Variants in MYO18B observed in about 807,000 individuals in gnomAD.
MYO18B encodes the protein unconventional myosin-XVIIIb.
Under a neutral mutation model 273.0 loss-of-function variants are expected in MYO18B, and 204 were observed. The observed-to-expected ratio is 0.75, with a 90% CI of 0.67 to 0.84. The LOEUF (loss-of-function observed/expected upper bound fraction) is 0.84, where lower values mean the gene tolerates loss of function less well. MYO18B is among the 40% of genes least tolerant of loss of function. The pLI is 0.00. For missense variants in MYO18B, 3,212 were observed against 3,287.6 expected, an observed-to-expected ratio of 0.98 and a Z score of 0.56; for synonymous variants, 1,330 against 1,305.7, an observed-to-expected ratio of 1.02 and a Z score of -0.40.
In MYO18B at chr22:26,026,930, G is replaced by A. The variant is rs1489096652; in HGVS notation, c.6956G>A (p.Gly2319Asp). The A allele has an allele frequency of 1.2e-6, 2 of 1,612,632 alleles. No individual in the cohort carries two copies. Among genetic ancestry groups the A allele is most frequent in the East Asian group, 4.5e-5 (2 of 44,848 alleles). ...SPLEIEGAAG[G>D]LLRSTSLKCI... ...CTGGAAATCGAAGGGGCCGCTGGTG[G>A]TCTCTTGAGGTCCACCAGCCTCAAA... The change falls in exon 43 of 44, where the codon GGT becomes GAT. Residue 2319 changes from glycine to aspartate, a missense_variant. Physicochemically the swap from Gly to Asp is moderately conservative, Grantham distance 94. Transcript: ENST00000335473.
Position 25,798,017 on chromosome 22 carries a change from G to C in MYO18B, c.2441G>C (p.Gly814Ala). 6.2e-7 allele frequency: 1 copy of C among 1,613,778 alleles called. No homozygotes were observed. Among genetic ancestry groups the C allele is most frequent in the African/African-American group, 1.3e-5 (1 of 75,044 alleles). Residue 814 changes from glycine to alanine, a missense_variant, in exon 12 of 44, where the codon GGC becomes GCC. By Grantham distance (60) the Gly-to-Ala change is moderately conservative. Coordinates refer to ENST00000335473, the MANE Select transcript of MYO18B (RefSeq NM_032608.7). ...AQLQGAMEML[G>A]ISESEQRAVW... ...CTCCAGGGTGCCATGGAGATGCTCG[G>C]CATCTCAGAGAGCGAGCAGCGGGCT...
At chr22:26,055,405 G>A in the MYO18B span, among the ~76,000 whole-genome samples, 1 of 152,220 alleles carries the variant, frequency 6.6e-6, no homozygotes, top group Non-Finnish European at 1.5e-5. Context: ...GAGCATTGAA[G>A]AGGGCCTGTC....
chr22:25,866,501 TATTC>T (rs2090890446), intron 21 of MYO18B, among the ~76,000 whole-genome samples: 1 of 152,148 alleles, frequency 6.6e-6, no homozygotes, highest in Admixed American at 6.5e-5. Context: ...TTTGGGTGTT[TATTC>T]ATTCAGTCAT....
intron 33 of MYO18B, among the ~76,000 whole-genome samples, chr22:25,916,463 A>G (rs763490): frequency 0.025 from 3,738 of 152,066 alleles, 141 homozygotes; most frequent in African/African-American, 0.084. Flanking sequence ...TTAAGATAAT[A>G]CATTTAAGAT....
rs2743842 is a variant in MYO18B, at chr22:25,757,513, G to A, written c.-109-3471G>A. Among the ~76,000 whole-genome samples the A allele has an allele frequency of 3.2e-3, 487 of 152,230 alleles. 1 individual carries two copies. The highest frequency in any genetic ancestry group is 5.6e-3 in the Non-Finnish European group (383 of 68,020). ...GAGGCAGGAGAATTGCTTGAACTCA[G>A]GAGGTGGAGGTTGCAGTGAGCCGAG... On this transcript the variant is annotated intron_variant, in intron 1 of 43. Coordinates refer to ENST00000335473, the MANE Select transcript of MYO18B (RefSeq NM_032608.7).
chr22:25,957,403 C>T (rs1455451336), intron 39 of MYO18B, among the ~76,000 whole-genome samples: 2 of 152,220 alleles, frequency 1.3e-5, no homozygotes, highest in African/African-American at 4.8e-5. Context: ...GGACACAACA[C>T]AAAACCTTAA....
intron 33 of MYO18B, among the ~76,000 whole-genome samples, chr22:25,919,115 C>T (rs1467143771): frequency 6.6e-6 from 1 of 152,154 alleles, no homozygotes; most frequent in Non-Finnish European, 1.5e-5. Flanking sequence ...TTTCTTGCCT[C>T]TCCGCCTTTG....
intron 12 of MYO18B, among the ~76,000 whole-genome samples, chr22:25,812,887 C>T (rs1433976300): frequency 2.0e-5 from 3 of 152,156 alleles, no homozygotes; most frequent in African/African-American, 4.8e-5. Flanking sequence ...ACAGGGGACT[C>T]GAATCATGGT....
Position 25,876,199 on chromosome 22 carries a change from T to C in MYO18B, c.4091T>C (p.Leu1364Pro), listed in dbSNP as rs1569140086. The change falls in exon 24 of 44, where the codon CTG becomes CCG. Residue 1364 changes from leucine (L) to proline (P), a missense_variant. Transcript: ENST00000335473. ...QEFKKLKIRR[L>P]AAQCIQKNVA... The stretch of plus-strand genomic sequence containing the variant: ...TCTCCTTCCCTGCAGATTCGCCGAC[T>C]GGCTGCACAGTGCATCCAGAAGAAT... The C allele has an allele frequency of 6.2e-7, 1 of 1,612,330 alleles. No homozygotes were observed. Among genetic ancestry groups the C allele is most frequent in the East Asian group, 2.2e-5 (1 of 44,806 alleles).
chr22:25,948,242 T>C (rs6004849), intron 36 of MYO18B, among the ~76,000 whole-genome samples: 125,853 of 151,988 alleles, frequency 0.83, 53,043 homozygotes, highest in Middle Eastern at 0.96. Flanking sequence ...TCCATCTGTC[T>C]GTCCAACCAT....
intron 20 of MYO18B, among the ~76,000 whole-genome samples, chr22:25,849,752 C>T (rs1569107906): frequency 6.6e-6 from 1 of 152,210 alleles, no homozygotes; most frequent in Non-Finnish European, 1.5e-5. Context: ...TCTCCCTGTC[C>T]TCTCCTATAA....
chr22:25,917,658 A>G lies in MYO18B; in HGVS notation c.5365-3599A>G, dbSNP rs140693609. On this transcript the variant is annotated intron_variant, in intron 33 of 43. Coordinates refer to ENST00000335473, the MANE Select transcript of MYO18B (RefSeq NM_032608.7). ...TTTAGTCTCTAGCTTTTCATATAAAAATTTAATTTATTTACATTTGTTATA... is the reference window on the plus strand; with the variant it reads ...TTTAGTCTCTAGCTTTTCATATAAAGATTTAATTTATTTACATTTGTTATA... 5.3e-3 allele frequency among the ~76,000 whole-genome samples: 807 copies of G among 151,618 alleles called. 3 individuals carry two copies. The highest frequency in any genetic ancestry group is 0.019 in the African/African-American group (785 of 41,326).
At chr22:25,894,383 T>G (rs1043323808) in intron 27 of MYO18B, among the ~76,000 whole-genome samples, 8 of 152,228 alleles carry the variant, frequency 5.3e-5, no homozygotes, top group African/African-American at 1.9e-4. Context: ...GTCATCCACT[T>G]GTGGAATGTT....
chr22:25,772,618 C>G, intron 7 of MYO18B, 108 bp downstream of exon 7: 1 of 1,144,200 alleles, frequency 8.7e-7, no homozygotes, highest in African/African-American at 1.6e-5. Flanking sequence ...CCCCAGTCGA[C>G]CTGTCTGCAA....
At chr22:25,776,574 G>A (rs911566920) in intron 7 of MYO18B, among the ~76,000 whole-genome samples, 3 of 152,118 alleles carry the variant, frequency 2.0e-5, no homozygotes, top group Non-Finnish European at 4.4e-5. Flanking sequence ...TCCAGCCTGG[G>A]CAACAAGAGC....
At chr22:26,037,498 G>A in the MYO18B span, among the ~76,000 whole-genome samples, 5 of 151,472 alleles carry the variant, frequency 3.3e-5, no homozygotes, top group East Asian at 6.0e-4. Flanking sequence ...CTCTGACCCC[G>A]AGTCCCAGGC....
intron 42 of MYO18B, among the ~76,000 whole-genome samples, chr22:26,021,282 T>TA (rs1489794335): frequency 2.0e-5 from 3 of 152,236 alleles, no homozygotes; most frequent in Admixed American, 6.5e-5. Context: ...AACCCATACT[T>TA]ACAGCATTTT....
rs529366093 is a variant in MYO18B at position 25,828,188 on chromosome 22, C to T, written c.2787-588C>T. On this transcript the variant is annotated intron_variant, in intron 14 of 43. Transcript: ENST00000335473. ...AGCTAGTCACCATCATTAACTGAGA[C>T]GGTGGCTAAGACGGTGGAGGCTCAG... Among the ~76,000 whole-genome samples, 24 of 152,032 alleles carry T rather than the reference C, an allele frequency of 1.6e-4. 1 individual carries two copies. In the South Asian group the frequency reaches 2.5e-3, roughly 16 times the overall value.
intron 7 of MYO18B, among the ~76,000 whole-genome samples, chr22:25,774,092 C>T (rs1035070218): frequency 6.6e-6 from 1 of 152,172 alleles, no homozygotes; most frequent in African/African-American, 2.4e-5. Flanking sequence ...CACATCTTGC[C>T]CTTTGGGGCC....
Sources: gnomAD v4.1 joint callset for allele counts (sites outside exome capture counted in the v4.1 genomes callset) on GRCh38, gnomAD v4.1.1 for gene constraint, MANE v1.5 for transcripts, NCBI Gene and HGNC (gene_info 2026-07-23, HGNC 2026-07-21) for gene names.